PDE4D: variants seen among roughly 807,000 people sequenced by gnomAD.
PDE4D encodes the protein 3',5'-cyclic-AMP phosphodiesterase 4D.
PDE4D carries 24 observed loss-of-function variants against 87.4 expected under a neutral mutation model. The ratio of observed to expected loss-of-function variants is 0.27; its 90% CI spans 0.20 to 0.39. The LOEUF (loss-of-function observed/expected upper bound fraction) is 0.39. Among genes scored for constraint, PDE4D ranks in the 10% least tolerant of loss-of-function variants. The pLI, the probability that PDE4D is intolerant of heterozygous loss-of-function variation, is 1.00. For missense variants in PDE4D, 714 were observed against 1,041.0 expected, an observed-to-expected ratio of 0.69 and a Z score of 4.32; for synonymous variants, 384 against 383.2, an observed-to-expected ratio of 1.00 and a Z score of -0.02.
chr5:59,127,742 T>G (rs528580575), intron 5 of PDE4D, among the ~76,000 whole-genome samples: 8 of 151,926 alleles, frequency 5.3e-5, no homozygotes, highest in Non-Finnish European at 1.2e-4. Flanking sequence ...TCAATGGCAT[T>G]CTTATCATGC....
rs1366927892 is a variant in PDE4D, at chr5:58,973,350, T to C, written c.*1314A>G. 6.6e-6 allele frequency: 1 copy of C among 152,156 alleles called. No individual in the cohort carries two copies. Among genetic ancestry groups the C allele is most frequent in the African/African-American group, 2.4e-5 (1 of 41,440 alleles). 9.4% of individuals were successfully genotyped at this position (152,156 alleles called of 1,614,324 possible). On this transcript the variant is annotated 3_prime_UTR_variant, in exon 15 of 15. Coordinates refer to ENST00000340635, the MANE Select transcript of PDE4D (RefSeq NM_001104631.2). The stretch of plus-strand genomic sequence containing the variant: ...TTGACAAGACCTCATCTAGCAAACA[T>C]GGATAAGGTTCAGACACACGCTAAA...
At chr5:60,279,690 T>A (rs906095102) in intron 1 of PDE4D, among the ~76,000 whole-genome samples, 1 of 151,510 alleles carries the variant, frequency 6.6e-6, no homozygotes, top group Non-Finnish European at 1.5e-5. Flanking sequence ...ATTTCTTTTT[T>A]TTTTTTTTTC....
intron 1 of PDE4D, among the ~76,000 whole-genome samples, chr5:60,337,388 T>TATACACACACACACAC (rs66871903): frequency 1.1e-5 from 1 of 89,478 alleles, no homozygotes; most frequent in African/African-American, 4.3e-5. Flanking sequence ...TATATATATA[T>TATACACACACACACAC]ACACACACAC....
At chr5:60,202,250 T>C (rs762382902) in intron 1 of PDE4D, among the ~76,000 whole-genome samples, 1 of 152,118 alleles carries the variant, frequency 6.6e-6, no homozygotes, top group Non-Finnish European at 1.5e-5. Context: ...ATCAAACCTG[T>C]TGCCTGGGCT....
At position 60,456,008 on chromosome 5, in the gene PDE4D, A is replaced by C. The variant is rs149038579; in HGVS notation, c.-90+31934T>G. On this transcript the variant is annotated intron_variant, in intron 1 of 16. Coordinates refer to the PDE4D transcript ENST00000502484. ...TTCCCCACCTTCAGTTCTTTTCTGC[A>C]GTGAGGGGCCTTGCACACACCCCCA... Among the ~76,000 whole-genome samples, 625 of 152,224 alleles carry C rather than the reference A, an allele frequency of 4.1e-3. 7 individuals are homozygous for C. Among genetic ancestry groups the C allele is most frequent in the African/African-American group, 0.014 (597 of 41,532 alleles).
At chr5:59,482,539 T>TA (rs951024839) in intron 1 of PDE4D, among the ~76,000 whole-genome samples, 63 of 152,242 alleles carry the variant, frequency 4.1e-4, no homozygotes, top group African/African-American at 1.3e-3. Context: ...AGATTTTTCA[T>TA]AAAAAATATT....
intron 1 of PDE4D, among the ~76,000 whole-genome samples, chr5:59,519,625 T>TA (rs1811829900): frequency 6.6e-6 from 1 of 152,176 alleles, no homozygotes; most frequent in South Asian, 2.1e-4. Flanking sequence ...ACATAGATCA[T>TA]GTAGAAGTTT....
intron 1 of PDE4D, among the ~76,000 whole-genome samples, chr5:59,655,578 C>T (rs2150258368): frequency 6.6e-6 from 1 of 152,152 alleles, no homozygotes; most frequent in South Asian, 2.1e-4. Context: ...TTCCAACCTG[C>T]TTTATTTTGC....
intron 1 of PDE4D, among the ~76,000 whole-genome samples, chr5:59,819,088 T>A (rs1051423672): frequency 6.6e-6 from 1 of 152,174 alleles, no homozygotes; most frequent in Non-Finnish European, 1.5e-5. Context: ...TTTAAAGAAG[T>A]TACTTGGTAT....
chr5:59,832,675 G>A (rs897591868), intron 1 of PDE4D, among the ~76,000 whole-genome samples: 10 of 152,012 alleles, frequency 6.6e-5, no homozygotes, highest in African/African-American at 2.2e-4. Flanking sequence ...AAACATTTAT[G>A]TAAAGGCAAC....
At chr5:60,028,873 C>G (rs73759011) in intron 2 of PDE4D, among the ~76,000 whole-genome samples, 2,859 of 152,250 alleles carry the variant, frequency 0.019, 88 homozygotes, top group African/African-American at 0.065. Flanking sequence ...AAGGCCAAGT[C>G]AATGACAACT....
intron 1 of PDE4D, among the ~76,000 whole-genome samples, chr5:59,787,375 C>T (rs1296539856): frequency 6.6e-6 from 1 of 152,152 alleles, no homozygotes; most frequent in Non-Finnish European, 1.5e-5. Flanking sequence ...CTGAGTTCTT[C>T]GTTTTATCTT....
intron 2 of PDE4D, among the ~76,000 whole-genome samples, chr5:60,092,866 C>T (rs1416806026): frequency 6.6e-6 from 1 of 152,142 alleles, no homozygotes; most frequent in Non-Finnish European, 1.5e-5. Flanking sequence ...ACTCTGGGGA[C>T]AATACAAACA....
At chr5:60,217,848 A>G (rs1744041646) in intron 1 of PDE4D, among the ~76,000 whole-genome samples, 2 of 151,966 alleles carry the variant, frequency 1.3e-5, no homozygotes, top group African/African-American at 4.8e-5. Context: ...ACAGTGAGAT[A>G]CTACCACACA....
chr5:59,409,858 A>G (rs554511402), intron 1 of PDE4D, among the ~76,000 whole-genome samples: 3 of 152,320 alleles, frequency 2.0e-5, no homozygotes, highest in Non-Finnish European at 2.9e-5. Context: ...TGCCAGTACT[A>G]TAGGTCTTTT....
chr5:60,199,373 T>C (rs1405924378), intron 1 of PDE4D, among the ~76,000 whole-genome samples: 2 of 151,762 alleles, frequency 1.3e-5, no homozygotes, highest in Admixed American at 1.3e-4. Context: ...CATTGCCATT[T>C]GTGTGGCACC....
chr5:59,859,066 G>A (rs1745883515), intron 1 of PDE4D, among the ~76,000 whole-genome samples: 2 of 152,124 alleles, frequency 1.3e-5, no homozygotes, highest in Non-Finnish European at 2.9e-5. Context: ...GACACTAAAA[G>A]CATCTGTTTG....
chr5:59,768,669 A>G (rs891131848), intron 1 of PDE4D: 37 of 1,489,430 alleles, frequency 2.5e-5, no homozygotes, highest in Non-Finnish European at 3.0e-5. Flanking sequence ...CTGGGTGCAG[A>G]GGAGGCGAGC....
chr5:59,802,800 A>C (rs1245642657), intron 1 of PDE4D, among the ~76,000 whole-genome samples: 1 of 152,170 alleles, frequency 6.6e-6, no homozygotes, highest in Admixed American at 6.5e-5. Flanking sequence ...GGATGAAATC[A>C]ATGGGCCAGC....
Sources: gnomAD v4.1 joint callset for allele counts (sites outside exome capture counted in the v4.1 genomes callset) on GRCh38, gnomAD v4.1.1 for gene constraint, MANE v1.5 for transcripts, NCBI Gene and HGNC (gene_info 2026-07-23, HGNC 2026-07-21) for gene names.